Variants in LTBP1 observed in about 807,000 individuals in gnomAD.
LTBP1 encodes latent transforming growth factor beta binding protein 1.
In LTBP1, 129 loss-of-function variants were observed where a neutral mutation model predicts 207.6. The ratio of observed to expected loss-of-function variants is 0.62; its 90% confidence interval spans 0.54 to 0.72. LTBP1 has a LOEUF of 0.72. Ranked by LOEUF, LTBP1 falls within the 30% of genes least tolerant of loss-of-function variation. LTBP1 has a pLI of 0.00. For missense variants in LTBP1, 2,281 were observed against 2,217.2 expected (o/e 1.03, Z -0.58); for synonymous variants, 963 against 833.7 (o/e 1.16, Z -2.67).
intron 4 of LTBP1, among the ~76,000 whole-genome samples, chr2:33,122,018 C>A (rs1335260133): frequency 6.8e-6 from 1 of 147,114 alleles, no homozygotes; most frequent in African/African-American, 2.5e-5. Context: ...TCTAGTTCTT[C>A]CCCCCACCCT....
chr2:32,967,261 A>G (rs917499624), intron 2 of LTBP1, among the ~76,000 whole-genome samples: 37 of 151,826 alleles, frequency 2.4e-4, no homozygotes, highest in African/African-American at 8.2e-4. Context: ...GATTTCAAAG[A>G]GCTAGCTTTT....
chr2:33,347,286 T>G, intron 25 of LTBP1, 81 bp from the exon 26 acceptor site: 1 of 1,541,040 alleles, frequency 6.5e-7, no homozygotes, highest in Non-Finnish European at 8.9e-7. Flanking sequence ...CAAGACACTA[T>G]TAGCCCTGGC....
chr2:33,126,611 A>AT (rs943604932), intron 4 of LTBP1, among the ~76,000 whole-genome samples: 2 of 152,204 alleles, frequency 1.3e-5, no homozygotes, highest in Admixed American at 6.5e-5. Flanking sequence ...TACATCAGTA[A>AT]TTTTTTTATT....
chr2:33,332,231 C>G (rs1419642678), intron 24 of LTBP1, among the ~76,000 whole-genome samples: 1 of 151,148 alleles, frequency 6.6e-6, no homozygotes, highest in African/African-American at 2.4e-5. Flanking sequence ...TGTGATTTTT[C>G]TGATTTTAAG....
intron 12 of LTBP1, among the ~76,000 whole-genome samples, chr2:33,258,271 A>G (rs1418863788): frequency 2.0e-5 from 3 of 152,234 alleles, no homozygotes; most frequent in Non-Finnish European, 4.4e-5. Context: ...CTCAGAAGGA[A>G]CAAACCTTTT....
intron 3 of LTBP1, among the ~76,000 whole-genome samples, chr2:33,062,136 C>G (rs1235663207): frequency 6.6e-6 from 1 of 151,924 alleles, no homozygotes; most frequent in Admixed American, 6.6e-5. Context: ...GAATATATTG[C>G]TCATTTATTA....
chr2:33,284,852 CT>C (rs2093631771), intron 19 of LTBP1, among the ~76,000 whole-genome samples: 1 of 152,114 alleles, frequency 6.6e-6, no homozygotes, highest in Admixed American at 6.5e-5. Context: ...GCTGTTTAAG[CT>C]TTCTTGCCAG....
In LTBP1 at chr2:33,136,153, C is replaced by A. The variant is rs574981168; in HGVS notation, c.1201+1193C>A. ...TGGAAAAAATATGTGCCCATAGATA[C>A]GATTTAAAAGGGCATTGTGAGTTTC... On this transcript the variant is annotated intron_variant, in intron 5 of 33. Coordinates refer to ENST00000404816, the MANE Select transcript of LTBP1 (RefSeq NM_206943.4). 3.9e-5 allele frequency among the ~76,000 whole-genome samples: 6 copies of A among 152,234 alleles called. No homozygotes were observed. The East Asian group carries it at 1.2e-3, about 29-fold the overall frequency.
intron 26 of LTBP1, among the ~76,000 whole-genome samples, chr2:33,352,559 A>G (rs1374842779): frequency 6.6e-6 from 1 of 151,992 alleles, no homozygotes; most frequent in Non-Finnish European, 1.5e-5. Context: ...GTGTCCTTCA[A>G]ATCTCTCCCT....
intron 3 of LTBP1, among the ~76,000 whole-genome samples, chr2:33,042,683 A>T (rs569569410): frequency 6.2e-4 from 95 of 152,318 alleles, no homozygotes; most frequent in Non-Finnish European, 1.1e-3. Context: ...GTCACTGAAG[A>T]TGAGGTCACA....
intron 4 of LTBP1, among the ~76,000 whole-genome samples, chr2:33,125,489 A>G (rs1452801462): frequency 6.6e-6 from 1 of 152,150 alleles, no homozygotes; most frequent in Non-Finnish European, 1.5e-5. Flanking sequence ...GAAGAAGAAC[A>G]TGTTATGTGT....
At chr2:33,179,345 C>T (rs1016862069) in intron 5 of LTBP1, among the ~76,000 whole-genome samples, 1 of 151,928 alleles carries the variant, frequency 6.6e-6, no homozygotes, top group Non-Finnish European at 1.5e-5. Context: ...TATGAATATT[C>T]GTGAAGTCTT....
At chr2:33,156,349 A>G (rs564140853) in intron 5 of LTBP1, among the ~76,000 whole-genome samples, 4 of 152,292 alleles carry the variant, frequency 2.6e-5, no homozygotes, top group African/African-American at 7.2e-5. Flanking sequence ...AAAAGACCAT[A>G]TTCGTCGTGC....
intron 3 of LTBP1, among the ~76,000 whole-genome samples, chr2:33,109,659 A>G (rs2080278337): frequency 6.6e-6 from 1 of 152,226 alleles, no homozygotes; most frequent in African/African-American, 2.4e-5. Flanking sequence ...TAATGAGAGT[A>G]TAATTATAAA....
chr2:33,246,651 G>A (rs760159075), intron 10 of LTBP1, among the ~76,000 whole-genome samples: 1 of 152,222 alleles, frequency 6.6e-6, no homozygotes, highest in Non-Finnish European at 1.5e-5. Context: ...CATACAAGGT[G>A]TGGCTGACTC....
intron 7 of LTBP1, among the ~76,000 whole-genome samples, chr2:33,195,012 G>C (rs1411553735): frequency 6.6e-6 from 1 of 152,194 alleles, no homozygotes; most frequent in Admixed American, 6.5e-5. Context: ...TTTGCAGTTT[G>C]GTTTACCGAA....
intron 3 of LTBP1, among the ~76,000 whole-genome samples, chr2:33,098,009 T>G (rs1365879134): frequency 6.6e-6 from 1 of 152,218 alleles, no homozygotes; most frequent in East Asian, 1.9e-4. Flanking sequence ...CAGTTTTTGA[T>G]TTAACTTTTT....
intron 4 of LTBP1, among the ~76,000 whole-genome samples, chr2:33,132,740 G>A (rs2081889576): frequency 6.6e-6 from 1 of 152,142 alleles, no homozygotes; most frequent in Non-Finnish European, 1.5e-5. Flanking sequence ...AAAACCATTT[G>A]AAAAGAATGG....
chr2:33,004,786 A>AATATATATATATATAT (rs34777461), intron 2 of LTBP1, among the ~76,000 whole-genome samples: 7,541 of 99,930 alleles, frequency 0.075, 316 homozygotes, highest in East Asian at 0.11. Context: ...AAAAAAAAGG[A>AATATATATATATATAT]ATATATATAT....
Sources: gnomAD v4.1 joint callset for allele counts (sites outside exome capture counted in the v4.1 genomes callset) on GRCh38, gnomAD v4.1.1 for gene constraint, MANE v1.5 for transcripts, NCBI Gene and HGNC (gene_info 2026-07-23, HGNC 2026-07-21) for gene names.